The following NKAIN3 variants were observed in gnomAD, a reference collection of about 807,000 sequenced individuals.
NKAIN3 encodes the protein sodium/potassium-transporting ATPase subunit beta-1-interacting protein 3.
NKAIN3 carries 25 observed loss-of-function variants against 30.2 expected under a neutral mutation model. The ratio of observed to expected loss-of-function variants is 0.83; its 90% CI spans 0.60 to 1.16. The LOEUF is 1.16. Among genes scored for constraint, NKAIN3 ranks in the 50% most tolerant of loss-of-function variants. The pLI is 0.00. For missense variants in NKAIN3, 225 were observed against 254.1 expected (o/e 0.89, Z 0.78); for synonymous variants, 91 against 89.6 (o/e 1.02, Z -0.09).
intron 1 of NKAIN3, among the ~76,000 whole-genome samples, chr8:62,512,740 C>A (rs1377454731): frequency 4.0e-5 from 6 of 151,772 alleles, no homozygotes; most frequent in Non-Finnish European, 7.4e-5. Context: ...ACAAAGAAAA[C>A]TGTGTCTTTC....
At chr8:62,940,316 G>T (rs552096429) in intron 5 of NKAIN3, among the ~76,000 whole-genome samples, 2 of 152,162 alleles carry the variant, frequency 1.3e-5, no homozygotes, top group African/African-American at 2.4e-5. Context: ...CACAATAATG[G>T]CAGGGGACTT....
chr8:62,574,870 T>C (rs1810060671), intron 1 of NKAIN3, among the ~76,000 whole-genome samples: 1 of 152,038 alleles, frequency 6.6e-6, no homozygotes, highest in South Asian at 2.1e-4. Context: ...TCAAAAACCA[T>C]ATGATCATTT....
At position 62,966,781 on chromosome 8, in the gene NKAIN3, G is replaced by C. The variant is rs1261254297; in HGVS notation, c.*1374G>C. Among the ~76,000 whole-genome samples the C allele has an allele frequency of 2.0e-5, 3 of 152,210 alleles. No individual in the cohort carries two copies. The highest frequency in any genetic ancestry group is 7.2e-5 in the African/African-American group (3 of 41,466). On this transcript the variant is annotated 3_prime_UTR_variant, in exon 7 of 7. Transcript: ENST00000623646. ...AGTGAAGCTCCCTATAGGCCAGAAAGTTGTGAATATGTGGTTATTAACTCA... is the reference window on the plus strand; with the variant it reads ...AGTGAAGCTCCCTATAGGCCAGAAACTTGTGAATATGTGGTTATTAACTCA...
At chr8:62,613,586 T>C (rs914658437) in intron 3 of NKAIN3, among the ~76,000 whole-genome samples, 16 of 152,110 alleles carry the variant, frequency 1.1e-4, no homozygotes, top group African/African-American at 3.9e-4. Flanking sequence ...TTCTCTGTTA[T>C]TATCCTTTTG....
chr8:62,397,708 TGC>T (rs1817808345), intron 1 of NKAIN3, among the ~76,000 whole-genome samples: 1 of 152,146 alleles, frequency 6.6e-6, no homozygotes, highest in Admixed American at 6.5e-5. Flanking sequence ...CGCCTACAGA[TGC>T]TGGTTTACAT....
chr8:62,563,593 A>G (rs1392713547), intron 1 of NKAIN3, among the ~76,000 whole-genome samples: 1 of 152,164 alleles, frequency 6.6e-6, no homozygotes, highest in African/African-American at 2.4e-5. Flanking sequence ...AAATATTTCA[A>G]ATACTTAGTT....
At chr8:62,250,560 A>C (rs1259694053) in intron 1 of NKAIN3, among the ~76,000 whole-genome samples, 1 of 152,260 alleles carries the variant, frequency 6.6e-6, no homozygotes, top group East Asian at 1.9e-4. Context: ...CTGACTAAAC[A>C]TTGAGTCAAC....
At chr8:62,793,342 T>G (rs2130677049) in intron 4 of NKAIN3, among the ~76,000 whole-genome samples, 1 of 152,302 alleles carries the variant, frequency 6.6e-6, no homozygotes, top group South Asian at 2.1e-4. Flanking sequence ...TTTTTACTTA[T>G]AGTTTCTGCT....
chr8:62,851,366 T>C (rs1198215175), intron 4 of NKAIN3, among the ~76,000 whole-genome samples: 1 of 152,180 alleles, frequency 6.6e-6, no homozygotes. Context: ...GCTGAGGCGA[T>C]GGGGTTTTCT....
chr8:62,818,674 A>G lies in NKAIN3; in HGVS notation c.471+71545A>G, dbSNP rs72653272. ...AATTTCTTTATCCAAGGTTCTTCTA[A>G]TCTATTGGAAAGGAAAAAACATGTA... On this transcript the variant is annotated intron_variant, in intron 4 of 6. Transcript: ENST00000623646. Among the ~76,000 whole-genome samples the G allele has an allele frequency of 3.2e-3, 487 of 152,212 alleles. 8 individuals carry two copies. The highest frequency in any genetic ancestry group is 3.1e-3 in the Non-Finnish European group (214 of 68,000).
chr8:62,805,329 A>T (rs1270020883), intron 4 of NKAIN3, among the ~76,000 whole-genome samples: 1 of 151,874 alleles, frequency 6.6e-6, no homozygotes. Flanking sequence ...ACCAAAAAAG[A>T]GCCCGCATTG....
At chr8:62,780,958 A>C (rs1817337633) in intron 4 of NKAIN3, among the ~76,000 whole-genome samples, 1 of 152,092 alleles carries the variant, frequency 6.6e-6, no homozygotes, top group East Asian at 1.9e-4. Context: ...CAAGAGAAAG[A>C]AAGAAAAGGC....
At chr8:62,440,295 T>C (rs1411686174) in intron 1 of NKAIN3, among the ~76,000 whole-genome samples, 1 of 152,154 alleles carries the variant, frequency 6.6e-6, no homozygotes, top group African/African-American at 2.4e-5. Context: ...CATAAATTAT[T>C]ACCAATCAAA....
intron 4 of NKAIN3, among the ~76,000 whole-genome samples, chr8:62,812,455 G>A (rs995034292): frequency 5.3e-5 from 8 of 151,748 alleles, no homozygotes; most frequent in African/African-American, 1.9e-4. Context: ...TCTTCCAATG[G>A]CATGTATGTA....
chr8:62,925,180 A>T (rs1373012944), intron 5 of NKAIN3, among the ~76,000 whole-genome samples: 1 of 151,988 alleles, frequency 6.6e-6, no homozygotes, highest in African/African-American at 2.4e-5. Flanking sequence ...TGCATCCCCC[A>T]CTCATAAAAG....
chr8:62,694,374 A>G (rs954533799), intron 3 of NKAIN3, among the ~76,000 whole-genome samples: 5 of 152,206 alleles, frequency 3.3e-5, no homozygotes, highest in Admixed American at 6.6e-5. Context: ...TTCAGCCACA[A>G]AAAAAGACTG....
intron 3 of NKAIN3, among the ~76,000 whole-genome samples, chr8:62,649,833 GGCTGGGGGAAGGTTCCCCAGT>G (rs1812573359): frequency 6.6e-6 from 1 of 152,128 alleles, no homozygotes; most frequent in Admixed American, 6.6e-5. Context: ...ATTGGGCAGG[GGCTGGGGGAAGGTTCCCCAGT>G]GCTTCCAGAG....
intron 4 of NKAIN3, among the ~76,000 whole-genome samples, chr8:62,915,758 C>T (rs919519082): frequency 1.3e-5 from 2 of 151,828 alleles, no homozygotes; most frequent in Non-Finnish European, 2.9e-5. Flanking sequence ...GAAAATGTCC[C>T]GACGTTATGA....
At chr8:62,901,689 C>T (rs982856366) in intron 4 of NKAIN3, among the ~76,000 whole-genome samples, 6 of 152,184 alleles carry the variant, frequency 3.9e-5, no homozygotes, top group Non-Finnish European at 7.3e-5. Flanking sequence ...CCATGAAACA[C>T]CATTCAATTA....
Sources: gnomAD v4.1 joint callset for allele counts (sites outside exome capture counted in the v4.1 genomes callset) on GRCh38, gnomAD v4.1.1 for gene constraint, MANE v1.5 for transcripts, NCBI Gene and HGNC (gene_info 2026-07-23, HGNC 2026-07-21) for gene names.